Variants in ARMH3 observed in about 807,000 individuals in gnomAD.
The protein encoded by ARMH3 is armadillo-like helical domain-containing protein 3.
ARMH3 carries 60 observed loss-of-function variants against 99.1 expected under a neutral mutation model. The ratio of observed to expected loss-of-function variants is 0.61; its 90% CI spans 0.49 to 0.75. ARMH3 has a LOEUF of 0.75. ARMH3 is among the 30% of genes least tolerant of loss of function. The pLI, the probability that ARMH3 is intolerant of heterozygous loss-of-function variation, is 0.00. For missense variants in ARMH3, 679 were observed against 843.1 expected, an observed-to-expected ratio of 0.81 and a Z score of 2.41; for synonymous variants, 285 against 292.8, an observed-to-expected ratio of 0.97 and a Z score of 0.27.
At chr10:101,855,472 G>A (rs1365449532) in intron 24 of ARMH3, among the ~76,000 whole-genome samples, 1 of 151,430 alleles carries the variant, frequency 6.6e-6, no homozygotes, top group Non-Finnish European at 1.5e-5. Flanking sequence ...CACTTTGGGA[G>A]GCCGAGGTGG....
At chr10:101,991,642 A>C (rs1398718879) in intron 18 of ARMH3, among the ~76,000 whole-genome samples, 1 of 152,126 alleles carries the variant, frequency 6.6e-6, no homozygotes, top group Non-Finnish European at 1.5e-5. Context: ...CAGCCTCCCA[A>C]AGTGCTGTGA....
At position 101,985,194 on chromosome 10, in the gene ARMH3, GTA is replaced by G. The variant is rs139974452; in HGVS notation, c.1406+5355_1406+5356del. ...TACACATATATGAATATATATGTGT[GTA>G]TATATATACGTATATATGTATATAT... On this transcript the variant is annotated intron_variant, in intron 19 of 25. Transcript: ENST00000370033. Among the ~76,000 whole-genome samples the G allele has an allele frequency of 9.1e-4, 131 of 144,058 alleles. 1 individual carries two copies. Among genetic ancestry groups the G allele is most frequent in the East Asian group, 3.0e-3 (15 of 5,048 alleles). The allele number at this position is 144,058 out of a possible 152,430, so 94.5% of individuals were successfully genotyped here.
At chr10:101,891,937 T>G (rs1056542252) in intron 23 of ARMH3, among the ~76,000 whole-genome samples, 3 of 151,664 alleles carry the variant, frequency 2.0e-5, no homozygotes, top group African/African-American at 7.3e-5. Flanking sequence ...GGTGAAACCC[T>G]GTCTCTACAA....
At chr10:101,993,731 TGA>T (rs1846919188) in intron 16 of ARMH3, 128 bp from the exon 17 acceptor site, 14 of 621,206 alleles carry the variant, frequency 2.3e-5, no homozygotes, top group Middle Eastern at 4.4e-4. Flanking sequence ...GCTAATAGGA[TGA>T]GCCTAGAGCC....
rs1006273931 is a variant in ARMH3, at chr10:101,989,655, A to G, written c.1406+896T>C. On this transcript the variant is annotated intron_variant, in intron 19 of 25. Coordinates refer to ENST00000370033, the MANE Select transcript of ARMH3 (RefSeq NM_024541.3). ...AGAATCACTTGAACCTGGGAAGCAGAGGTTGCAGTGAGCCGAGATCATGCC... is the reference window on the plus strand; with the variant it reads ...AGAATCACTTGAACCTGGGAAGCAGGGGTTGCAGTGAGCCGAGATCATGCC... 6.6e-5 allele frequency among the ~76,000 whole-genome samples: 10 copies of G among 152,234 alleles called. No homozygotes were observed. The East Asian group carries it at 1.9e-3, about 29-fold the overall frequency.
chr10:101,997,727 CTTTAT>C (rs945225347), intron 15 of ARMH3, among the ~76,000 whole-genome samples: 1 of 151,924 alleles, frequency 6.6e-6, no homozygotes, highest in Non-Finnish European at 1.5e-5. Flanking sequence ...TATTATTATA[CTTTAT>C]AAGTTATGCT....
chr10:101,854,424 C>T (rs1290977814), intron 24 of ARMH3, among the ~76,000 whole-genome samples: 1 of 152,128 alleles, frequency 6.6e-6, no homozygotes, highest in African/African-American at 2.4e-5. Flanking sequence ...CCAGGAAGTA[C>T]CTACCTATTT....
chr10:102,007,160 A>AAAAAAAAAAAG (rs2136089254), intron 13 of ARMH3, among the ~76,000 whole-genome samples: 1 of 65,204 alleles, frequency 1.5e-5, no homozygotes, highest in East Asian at 5.9e-4. Flanking sequence ...ACTCTATCTC[A>AAAAAAAAAAAG]AAAAAAAAAA....
At chr10:101,980,286 C>A (rs1846170105) in intron 19 of ARMH3, among the ~76,000 whole-genome samples, 1 of 152,148 alleles carries the variant, frequency 6.6e-6, no homozygotes, top group African/African-American at 2.4e-5. Context: ...CTCCTTTTGT[C>A]TTTCGGGGGT....
chr10:102,002,634 G>A (rs1046440995), intron 14 of ARMH3, among the ~76,000 whole-genome samples: 16 of 152,044 alleles, frequency 1.1e-4, no homozygotes, highest in African/African-American at 2.7e-4. Context: ...TCCCTTCCCC[G>A]CTTAAGGGAA....
Position 102,025,238 on chromosome 10 carries a change from T to C in ARMH3, c.425A>G (p.Glu142Gly). 1 of 1,613,518 alleles carries C rather than the reference T, an allele frequency of 6.2e-7. No homozygotes were observed. The highest frequency in any genetic ancestry group is 8.5e-7 in the Non-Finnish European group (1 of 1,179,726). Reference sequence around the variant, plus strand: ...TGCACAAAGCAATGAATCCAAACTCTCCATCAAGTTCTGAGAAAGAGAACC... The same window carrying C: ...TGCACAAAGCAATGAATCCAAACTCCCCATCAAGTTCTGAGAAAGAGAACC... ...KAELCMKNLM[E>G]SLDSLLCAEG... Residue 142 changes from glutamate (E) to glycine (G), a missense_variant, in exon 6 of 26, where the codon GAG becomes GGG. By Grantham distance (98) the Glu-to-Gly change is moderately conservative. Around this residue, in one of 3 missense-constraint regions of ARMH3, gnomAD observed 280 missense variants for 354.6 expected, o/e 0.79. Transcript: ENST00000370033.
At chr10:101,967,925 G>A (rs1845607610) in intron 20 of ARMH3, among the ~76,000 whole-genome samples, 1 of 152,078 alleles carries the variant, frequency 6.6e-6, no homozygotes, top group South Asian at 2.1e-4. Flanking sequence ...TCAACAGCCT[G>A]CACTGACTAA....
At chr10:102,027,606 A>G (rs185701629) in intron 5 of ARMH3, among the ~76,000 whole-genome samples, 1 of 152,186 alleles carries the variant, frequency 6.6e-6, no homozygotes, top group African/African-American at 2.4e-5. Context: ...AAGTACTTGC[A>G]GAGGATACAA....
At chr10:101,929,698 GA>G (rs1308344200) in intron 23 of ARMH3, among the ~76,000 whole-genome samples, 1 of 151,580 alleles carries the variant, frequency 6.6e-6, no homozygotes, top group African/African-American at 2.4e-5. Flanking sequence ...AAAAAATAGT[GA>G]AAAAAAATTA....
chr10:101,978,363 T>C (rs974545973), intron 19 of ARMH3, among the ~76,000 whole-genome samples: 1 of 152,152 alleles, frequency 6.6e-6, no homozygotes, highest in Non-Finnish European at 1.5e-5. Context: ...AAGTTAATAG[T>C]AGAGAAATTA....
At chr10:101,942,803 T>C (rs879690259) in intron 22 of ARMH3, among the ~76,000 whole-genome samples, 1 of 151,652 alleles carries the variant, frequency 6.6e-6, no homozygotes, top group Non-Finnish European at 1.5e-5. Context: ...GAGGCACAAG[T>C]TGCAGTGAAC....
intron 23 of ARMH3, among the ~76,000 whole-genome samples, chr10:101,892,879 G>A (rs1233478883): frequency 6.6e-5 from 10 of 152,196 alleles, no homozygotes; most frequent in Admixed American, 6.5e-4. Flanking sequence ...CATGAGTCAG[G>A]AGCAAGAAAA....
intron 23 of ARMH3, among the ~76,000 whole-genome samples, chr10:101,908,620 G>T (rs771144131): frequency 1.2e-3 from 177 of 151,342 alleles, no homozygotes; most frequent in Non-Finnish European, 2.0e-3. Flanking sequence ...AATCAGAACT[G>T]CTAATTAAAG....
At chr10:102,003,564 G>A (rs974023496) in intron 14 of ARMH3, among the ~76,000 whole-genome samples, 1 of 152,130 alleles carries the variant, frequency 6.6e-6, no homozygotes, top group African/African-American at 2.4e-5. Flanking sequence ...CAATATATAA[G>A]TTAAAAGGAG....
Sources: allele counts gnomAD v4.1 joint callset (sites outside exome capture counted in the v4.1 genomes callset), GRCh38; gene constraint gnomAD v4.1.1; regional missense constraint gnomAD v4.1.1; transcripts MANE v1.5; gene names NCBI Gene and HGNC (gene_info 2026-07-23, HGNC 2026-07-21).